ZNF609: variants seen among roughly 807,000 people sequenced by gnomAD.
ZNF609 encodes zinc finger protein 609.
A neutral mutation model predicts 109.5 loss-of-function variants in ZNF609; 11 were observed. The ratio of observed to expected loss-of-function variants is 0.10; its 90% CI spans 0.06 to 0.17. The LOEUF (loss-of-function observed/expected upper bound fraction) is 0.17. Ranked by LOEUF, ZNF609 falls within the 10% of genes least tolerant of loss-of-function variation. The probability of loss-of-function intolerance (pLI) is 1.00; values close to 1 mark genes in which losing one functional copy is unlikely to be tolerated. For missense variants in ZNF609, 1,559 were observed against 1,772.4 expected, an observed-to-expected ratio of 0.88 and a Z score of 2.16; for synonymous variants, 646 against 662.0, an observed-to-expected ratio of 0.98 and a Z score of 0.37.
At chr15:64,548,153 G>T (rs1434113723) in intron 2 of ZNF609, among the ~76,000 whole-genome samples, 1 of 152,072 alleles carries the variant, frequency 6.6e-6, no homozygotes, top group African/African-American at 2.4e-5. Context: ...AACCACAAAA[G>T]ATCTAATTTT....
At position 64,462,918 on chromosome 15, in the gene ZNF609, A is replaced by G. The variant is rs139233615; in HGVS notation, c.-128+2080A>G. Reference sequence around the variant, plus strand: ...GAAGGAATCCTATTGTACATATCTGATAGAAGTGCTCAAATAATATTTATG... The same window carrying G: ...GAAGGAATCCTATTGTACATATCTGGTAGAAGTGCTCAAATAATATTTATG... On this transcript the variant is annotated intron_variant, in intron 1 of 9. Coordinates refer to ENST00000326648, the MANE Select transcript of ZNF609 (RefSeq NM_015042.2). Among the ~76,000 whole-genome samples the G allele has an allele frequency of 1.5e-3, 225 of 152,330 alleles. 1 individual carries two copies. The highest frequency in any genetic ancestry group is 5.1e-3 in the African/African-American group (213 of 41,566).
At chr15:64,493,429 G>A (rs1893441191) in intron 1 of ZNF609, among the ~76,000 whole-genome samples, 1 of 152,184 alleles carries the variant, frequency 6.6e-6, no homozygotes, top group Admixed American at 6.5e-5. Context: ...AAGCCTGTGG[G>A]CTGGGAGTCA....
In ZNF609 at chr15:64,582,738, T is replaced by TG. The variant is rs370433993; in HGVS notation, c.748-40088dup. Among the ~76,000 whole-genome samples, 19 of 122,800 alleles carry TG rather than the reference T, an allele frequency of 1.5e-4. 2 individuals are homozygous for TG. Among genetic ancestry groups the TG allele is most frequent in the Non-Finnish European group, 2.7e-4 (17 of 62,252 alleles). 80.6% of individuals were successfully genotyped at this position (122,800 alleles called of 152,430 possible). A position where few individuals can be genotyped will look rare whatever the true frequency, so the allele number is the denominator to read the frequency against. Reference sequence around the variant, plus strand: ...TTTCTTTTTTCTTTTTTTTTTTTTTTGAGACAGAGTCTTTTTTTTTTTTTT... The same window carrying TG: ...TTTCTTTTTTCTTTTTTTTTTTTTTTGGAGACAGAGTCTTTTTTTTTTTTTT... On this transcript the variant is annotated intron_variant, in intron 2 of 9. Coordinates refer to ENST00000326648, the MANE Select transcript of ZNF609 (RefSeq NM_015042.2).
chr15:64,499,395 C>T lies in ZNF609; in HGVS notation c.-25C>T. 1.2e-6 allele frequency: 2 copies of T among 1,603,548 alleles called. No homozygotes were observed. Among genetic ancestry groups the T allele is most frequent in the South Asian group, 1.1e-5 (1 of 89,534 alleles). On this transcript the variant is annotated 5_prime_UTR_variant, in exon 2 of 10. Transcript: ENST00000326648. ...CTGGGGGCAAGGAAGAGCCTTGAAT[C>T]TTGAGGTGGGACGTTGACTCTAAGA...
chr15:64,534,277 G>T (rs1236701020), intron 2 of ZNF609, among the ~76,000 whole-genome samples: 1 of 148,868 alleles, frequency 6.7e-6, no homozygotes, highest in Non-Finnish European at 1.5e-5. Flanking sequence ...TCCCAAAGTG[G>T]TGGTATTACA....
Position 64,577,049 on chromosome 15 carries a change from A to AATATATATATTT in ZNF609, c.748-45771_748-45770insTATTTATATATA, listed in dbSNP as rs1567019110. Among the ~76,000 whole-genome samples the AATATATATATTT allele has an allele frequency of 1.9e-5, 2 of 105,112 alleles. 1 individual carries two copies. The highest frequency in any genetic ancestry group is 4.0e-5 in the Non-Finnish European group (2 of 49,540). 69.0% of individuals were successfully genotyped at this position (105,112 alleles called of 152,430 possible). On this transcript the variant is annotated intron_variant, in intron 2 of 9. Coordinates refer to ENST00000326648, the MANE Select transcript of ZNF609 (RefSeq NM_015042.2). ...ATATATATATGTATATATACACATA[A>AATATATATATTT]ATATATACATATATGTATATATACA... is the stretch of plus-strand genomic sequence containing the variant.
intron 3 of ZNF609, among the ~76,000 whole-genome samples, chr15:64,638,032 T>C (rs1896201849): frequency 8.2e-6 from 1 of 121,338 alleles, no homozygotes; most frequent in Non-Finnish European, 1.8e-5. Flanking sequence ...TATATAAAAA[T>C]ACATATATAT....
chr15:64,630,512 A>G (rs1264010990), intron 3 of ZNF609, among the ~76,000 whole-genome samples: 2 of 152,102 alleles, frequency 1.3e-5, no homozygotes, highest in Non-Finnish European at 2.9e-5. Context: ...TAAAATTAGT[A>G]CCTCAAGTGG....
chr15:64,553,152 CTT>C (rs1473469293), intron 2 of ZNF609, among the ~76,000 whole-genome samples: 2 of 151,952 alleles, frequency 1.3e-5, no homozygotes, highest in African/African-American at 4.8e-5. Context: ...ATTACTATAA[CTT>C]TATAATAAAT....
rs1036504953 is a variant in ZNF609 at position 64,499,578 on chromosome 15, C to T, written c.159C>T (p.Gly53=). Reference sequence around the variant, plus strand: ...ACCAGCAGAAACTGGAAATGTCAGGCTCAAAGGAGGTGGGGATACCGGCTC... The same window carrying T: ...ACCAGCAGAAACTGGAAATGTCAGGTTCAAAGGAGGTGGGGATACCGGCTC... ...EKDQQKLEMS[G]SKEVGIPAPN... Residue 53 remains glycine (G), a synonymous_variant, in exon 2 of 10, where the codon GGC becomes GGT. Transcript: ENST00000326648. 10 of 1,614,006 alleles carry T rather than the reference C, an allele frequency of 6.2e-6. No individual in the cohort carries two copies. In the African/African-American group the frequency reaches 1.3e-4, roughly 22 times the overall value.
chr15:64,517,400 T>C (rs1893829697), intron 2 of ZNF609, among the ~76,000 whole-genome samples: 1 of 152,098 alleles, frequency 6.6e-6, no homozygotes, highest in Non-Finnish European at 1.5e-5. Flanking sequence ...CAAAATTCCC[T>C]GTGATTCAAC....
intron 2 of ZNF609, among the ~76,000 whole-genome samples, chr15:64,575,860 T>C (rs896284973): frequency 3.3e-5 from 5 of 152,152 alleles, no homozygotes; most frequent in Admixed American, 1.3e-4. Flanking sequence ...CCCAGCACTT[T>C]GGGAGGCCGA....
intron 2 of ZNF609, among the ~76,000 whole-genome samples, chr15:64,516,771 G>C (rs1005305170): frequency 3.0e-4 from 45 of 152,142 alleles, no homozygotes; most frequent in African/African-American, 1.1e-3. Flanking sequence ...ATCTTGTATT[G>C]ATCTTATCTT....
intron 3 of ZNF609, among the ~76,000 whole-genome samples, chr15:64,645,939 T>G (rs200827845): frequency 6.6e-6 from 1 of 152,150 alleles, no homozygotes; most frequent in African/African-American, 2.4e-5. Flanking sequence ...GGTTGGAACA[T>G]AAAATGAGTA....
intron 2 of ZNF609, among the ~76,000 whole-genome samples, chr15:64,594,807 A>ACC (rs1200879961): frequency 2.7e-5 from 4 of 147,008 alleles, no homozygotes; most frequent in South Asian, 2.2e-4. Flanking sequence ...CGGGTGGATC[A>ACC]TGAGGTCAGG....
chr15:64,497,994 A>T (rs1383557477), intron 1 of ZNF609, among the ~76,000 whole-genome samples: 2 of 152,076 alleles, frequency 1.3e-5, no homozygotes, highest in African/African-American at 4.8e-5. Context: ...ATAAAATAAT[A>T]CTGGATGGTA....
At chr15:64,495,662 G>T (rs1310031536) in intron 1 of ZNF609, among the ~76,000 whole-genome samples, 4 of 151,670 alleles carry the variant, frequency 2.6e-5, no homozygotes, top group Admixed American at 2.6e-4. Flanking sequence ...TGGGCCTCCA[G>T]GTGGAGGCCC....
chr15:64,538,846 G>A (rs1229705475), intron 2 of ZNF609, among the ~76,000 whole-genome samples: 1 of 151,790 alleles, frequency 6.6e-6, no homozygotes, highest in Non-Finnish European at 1.5e-5. Context: ...TGCTGGACTG[G>A]TTTTATTTTT....
In ZNF609 at chr15:64,680,766, A is replaced by G; in HGVS notation, c.4066A>G (p.Thr1356Ala). ...TGAACGGAGTGTTGACCGGCCCCGCACCTCTCCTTCCCAGCGCCTGATGTC... is the reference window on the plus strand; with the variant it reads ...TGAACGGAGTGTTGACCGGCCCCGCGCCTCTCCTTCCCAGCGCCTGATGTC... ...GGERSVDRPR[T>A]SPSQRLMSTH... The change falls in exon 8 of 10, where the codon ACC becomes GCC. Residue 1356 changes from threonine (T) to alanine (A), a missense_variant. Physicochemically the swap from Thr to Ala is moderately conservative, Grantham distance 58 (BLOSUM62 0). Coordinates refer to ENST00000326648, the MANE Select transcript of ZNF609 (RefSeq NM_015042.2). 1.9e-6 allele frequency: 3 copies of G among 1,612,918 alleles called. No individual in the cohort carries two copies. The highest frequency in any genetic ancestry group is 2.5e-6 in the Non-Finnish European group (3 of 1,179,762).
Sources: gnomAD v4.1 joint callset for allele counts (sites outside exome capture counted in the v4.1 genomes callset) on GRCh38, gnomAD v4.1.1 for gene constraint, MANE v1.5 for transcripts, NCBI Gene and HGNC (gene_info 2026-07-23, HGNC 2026-07-21) for gene names.